Variants in EXOC6B observed in about 807,000 individuals in gnomAD.
EXOC6B encodes SEC15 homolog B.
EXOC6B carries 54 observed loss-of-function variants against 113.5 expected under a neutral mutation model. The ratio of observed to expected loss-of-function variants is 0.48; its 90% CI spans 0.38 to 0.60. The LOEUF is 0.60. Among genes scored for constraint, EXOC6B ranks in the 20% least tolerant of loss-of-function variants. The pLI is 0.00. For missense variants in EXOC6B, 797 were observed against 977.5 expected (o/e 0.82, Z 2.46); for synonymous variants, 357 against 339.0 (o/e 1.05, Z -0.58).
chr2:72,496,692 A>G (rs1024658393), intron 13 of EXOC6B, 133 bp from the exon 14 acceptor site: 18 of 660,194 alleles, frequency 2.7e-5, no homozygotes, highest in Non-Finnish European at 2.7e-6. Flanking sequence ...ATATGCCACA[A>G]CCCAAAATGA....
chr2:72,335,197 A>G, intron 19 of EXOC6B, 177 bp from the exon 20 acceptor site: 1 of 596,224 alleles, frequency 1.7e-6, no homozygotes, highest in Non-Finnish European at 3.0e-6. Flanking sequence ...TGTCATCAAA[A>G]CACCATTAAT....
chr2:72,335,050 C>A, intron 19 of EXOC6B, 30 bp from the exon 20 acceptor site: 4 of 1,601,760 alleles, frequency 2.5e-6, no homozygotes, highest in Non-Finnish European at 3.4e-6. Flanking sequence ...ATAAAAAGCG[C>A]CTTTAACTAA....
rs528791780 is a variant in EXOC6B at position 72,606,797 on chromosome 2, G to C, written c.670-31129C>G. On this transcript the variant is annotated intron_variant, in intron 6 of 21. Transcript: ENST00000272427. ...TGCTAATTTTTGTATTTTTAGTAGGGACAGGGTTTCACCGTGTTGACCAGG... is the reference window on the plus strand; with the variant it reads ...TGCTAATTTTTGTATTTTTAGTAGGCACAGGGTTTCACCGTGTTGACCAGG... Among the ~76,000 whole-genome samples, 10 of 151,936 alleles carry C rather than the reference G, an allele frequency of 6.6e-5. No individual in the cohort carries two copies. The South Asian group carries it at 2.1e-3, about 32-fold the overall frequency.
chr2:72,394,367 A>C (rs986546230), intron 18 of EXOC6B, among the ~76,000 whole-genome samples: 4 of 152,164 alleles, frequency 2.6e-5, no homozygotes, highest in African/African-American at 4.8e-5. Context: ...TTAAGTGCTA[A>C]ATTGAGCATA....
intron 6 of EXOC6B, among the ~76,000 whole-genome samples, chr2:72,715,414 GTA>G (rs1249579255): frequency 6.8e-6 from 1 of 147,980 alleles, no homozygotes; most frequent in East Asian, 1.9e-4. Context: ...TACTTCAGAA[GTA>G]TACATTTAAA....
chr2:72,369,841 C>T (rs1174205087), intron 19 of EXOC6B, among the ~76,000 whole-genome samples: 2 of 152,170 alleles, frequency 1.3e-5, no homozygotes, highest in Admixed American at 6.5e-5. Context: ...CCCTTCCTTA[C>T]ACCTTATACA....
chr2:72,518,970 C>A (rs1282784012), intron 8 of EXOC6B, among the ~76,000 whole-genome samples: 1 of 152,068 alleles, frequency 6.6e-6, no homozygotes, highest in Non-Finnish European at 1.5e-5. Flanking sequence ...AAGTTTCTAA[C>A]CTGGGTAACT....
intron 16 of EXOC6B, among the ~76,000 whole-genome samples, chr2:72,491,288 AT>A (rs562621193): frequency 5.2e-4 from 78 of 149,792 alleles, no homozygotes; most frequent in African/African-American, 1.4e-3. Context: ...GTCCCATCTT[AT>A]TTTTTTTTTA....
chr2:72,567,887 G>C (rs1704280314), intron 7 of EXOC6B, among the ~76,000 whole-genome samples: 1 of 151,994 alleles, frequency 6.6e-6, no homozygotes, highest in Non-Finnish European at 1.5e-5. Flanking sequence ...AAATGTGAAA[G>C]AAATGATAAA....
At chr2:72,493,484 A>T (rs1699870522) in intron 15 of EXOC6B, among the ~76,000 whole-genome samples, 1 of 151,944 alleles carries the variant, frequency 6.6e-6, no homozygotes, top group African/African-American at 2.4e-5. Flanking sequence ...ACCATATCAG[A>T]AGTGTTATTA....
chr2:72,638,338 A>T (rs1201659089), intron 6 of EXOC6B, among the ~76,000 whole-genome samples: 4 of 152,192 alleles, frequency 2.6e-5, no homozygotes. Flanking sequence ...ACCAGTAACA[A>T]GTAATGAGAT....
At chr2:72,212,362 T>C (rs1680247283) in intron 20 of EXOC6B, among the ~76,000 whole-genome samples, 1 of 152,144 alleles carries the variant, frequency 6.6e-6, no homozygotes, top group Admixed American at 6.5e-5. Context: ...TAACATATCA[T>C]AGAGATAAAT....
intron 1 of EXOC6B, among the ~76,000 whole-genome samples, chr2:72,822,300 C>T (rs1686624681): frequency 6.6e-6 from 1 of 152,166 alleles, no homozygotes; most frequent in Admixed American, 6.5e-5. Context: ...TCACAGATAA[C>T]AAAATAATTT....
intron 6 of EXOC6B, among the ~76,000 whole-genome samples, chr2:72,600,572 C>T (rs1046129411): frequency 4.6e-5 from 7 of 151,748 alleles, no homozygotes; most frequent in Admixed American, 3.9e-4. Context: ...GTCAACTGAT[C>T]TTTGACTAGA....
At chr2:72,746,044 A>T (rs192989420) in intron 1 of EXOC6B, among the ~76,000 whole-genome samples, 35 of 152,220 alleles carry the variant, frequency 2.3e-4, no homozygotes, top group African/African-American at 8.2e-4. Context: ...AAATCTAAAA[A>T]CTATATTCCA....
intron 20 of EXOC6B, among the ~76,000 whole-genome samples, chr2:72,332,356 T>C (rs552614063): frequency 4.0e-5 from 6 of 151,850 alleles, no homozygotes; most frequent in Admixed American, 2.6e-4. Flanking sequence ...CCAGTGAGAG[T>C]AGTATTCAGT....
intron 1 of EXOC6B, among the ~76,000 whole-genome samples, chr2:72,817,677 A>G (rs550867547): frequency 6.6e-6 from 1 of 152,324 alleles, no homozygotes; most frequent in Admixed American, 6.5e-5. Context: ...TCCTCCCTTT[A>G]TTGTTCCCTA....
At chr2:72,810,990 G>A (rs78595161) in intron 1 of EXOC6B, among the ~76,000 whole-genome samples, 6,336 of 151,740 alleles carry the variant, frequency 0.042, 412 homozygotes, top group African/African-American at 0.14. Context: ...CCAGTGAACC[G>A]AGATCACATC....
chr2:72,724,080 A>C (rs1310438440), intron 5 of EXOC6B, among the ~76,000 whole-genome samples: 3 of 152,134 alleles, frequency 2.0e-5, no homozygotes, highest in Non-Finnish European at 4.4e-5. Context: ...AGAGTTCCCC[A>C]AAAAAAGAGC....
Sources: gnomAD v4.1 joint callset for allele counts (sites outside exome capture counted in the v4.1 genomes callset) on GRCh38, gnomAD v4.1.1 for gene constraint, MANE v1.5 for transcripts, NCBI Gene and HGNC (gene_info 2026-07-23, HGNC 2026-07-21) for gene names.